Variants in NPRL3 observed in about 807,000 individuals in gnomAD.
NPRL3 encodes the protein NPR3 like, GATOR1 complex subunit.
A neutral mutation model predicts 57.2 loss-of-function variants in NPRL3; 23 were observed. The observed-to-expected ratio is 0.40, with a 90% CI of 0.29 to 0.57. The LOEUF (loss-of-function observed/expected upper bound fraction) is 0.57, where lower values mean the gene tolerates loss of function less well. NPRL3 is among the 20% of genes least tolerant of loss of function. The pLI is 0.42. For missense variants in NPRL3, 691 were observed against 767.1 expected, an observed-to-expected ratio of 0.90 and a Z score of 1.17; for synonymous variants, 333 against 321.1, an observed-to-expected ratio of 1.04 and a Z score of -0.39.
intron 5 of NPRL3, among the ~76,000 whole-genome samples, chr16:114,054 T>A (rs574298642): frequency 1.3e-5 from 2 of 152,318 alleles, no homozygotes; most frequent in South Asian, 4.1e-4. Context: ...TGTATACAAT[T>A]GCCTCAAAAC....
chr16:124,025 C>A (rs1055709583), intron 3 of NPRL3, among the ~76,000 whole-genome samples: 1 of 140,144 alleles, frequency 7.1e-6, no homozygotes, highest in African/African-American at 2.7e-5. Flanking sequence ...ACCCTCCCCA[C>A]GCTGAGAAAC....
At chr16:133,398 G>A (rs1445891892) in intron 2 of NPRL3, among the ~76,000 whole-genome samples, 1 of 151,162 alleles carries the variant, frequency 6.6e-6, no homozygotes, top group Non-Finnish European at 1.5e-5. Flanking sequence ...GCTAATTTTT[G>A]TATTTTTTTT....
rs773431179 is a variant in NPRL3 at position 92,568 on chromosome 16, C to T, written c.1161+28G>A. 3 of 1,609,738 alleles carry T rather than the reference C, an allele frequency of 1.9e-6. No individual in the cohort carries two copies. In the South Asian group the frequency reaches 3.3e-5, roughly 18 times the overall value. On this transcript the variant is annotated intron_variant, in intron 11 of 13. Transcript: ENST00000611875. ...GCCTATCCACTACACACCTGCCACT[C>T]TGGGCTCCTTGAGCTTCTGTGACTC...
At chr16:98,831 G>A (rs893143204) in intron 8 of NPRL3, among the ~76,000 whole-genome samples, 3 of 152,176 alleles carry the variant, frequency 2.0e-5, no homozygotes, top group Non-Finnish European at 4.4e-5. Flanking sequence ...CCAGCTACTC[G>A]GCAGGCTGAG....
At chr16:110,650 C>G (rs377354383) in intron 6 of NPRL3, 44 bp from the exon 7 acceptor site, 2 of 1,499,568 alleles carry the variant, frequency 1.3e-6, no homozygotes, top group South Asian at 2.4e-5. Context: ...CGGGTTCAAG[C>G]GATTCTCCTG....
intron 4 of NPRL3, among the ~76,000 whole-genome samples, chr16:118,231 A>G (rs1345196151): frequency 1.3e-5 from 2 of 152,116 alleles, no homozygotes; most frequent in Non-Finnish European, 2.9e-5. Flanking sequence ...ACTGTGTTCG[A>G]CCCTTCAGAA....
At chr16:116,376 A>G (rs960035352) in intron 5 of NPRL3, among the ~76,000 whole-genome samples, 1 of 152,218 alleles carries the variant, frequency 6.6e-6, no homozygotes, top group African/African-American at 2.4e-5. Context: ...TGTAAGAAAT[A>G]CAAAGATGCT....
intron 7 of NPRL3, among the ~76,000 whole-genome samples, 184 bp from the exon 8 acceptor site, chr16:100,693 G>A (rs1029457305): frequency 2.3e-5 from 3 of 128,406 alleles, no homozygotes; most frequent in Admixed American, 2.3e-4. Context: ...ATGGGGGCCG[G>A]GCACGGTGGC....
intron 1 of NPRL3, 83 bp downstream of exon 1, chr16:138,530 GTAGGGCAGGGGTGGAGGCGGAGGGGGCCT>G (rs2141996542): frequency 2.4e-5 from 1 of 42,248 alleles, no homozygotes; most frequent in Non-Finnish European, 5.0e-5. Flanking sequence ...GGGGGCCTGA[GTAGGGCAGGGGTGGAGGCGGAGGGGGCCT>G]GAGGAGGGCA....
chr16:99,598 G>A (rs1410753393), intron 8 of NPRL3, among the ~76,000 whole-genome samples: 2 of 148,002 alleles, frequency 1.4e-5, no homozygotes, highest in Non-Finnish European at 3.0e-5. Context: ...AGTGGAGACT[G>A]TGCCACTGCA....
intron 3 of NPRL3, chr16:125,634 G>A (rs1304772920): frequency 2.0e-5 from 3 of 152,238 alleles, no homozygotes; most frequent in Admixed American, 2.0e-4. Flanking sequence ...TAAAGAATGT[G>A]CCCAAGATCA....
At chr16:100,633 C>T (rs939581490) in intron 7 of NPRL3, 124 bp from the exon 8 acceptor site, 29 of 948,208 alleles carry the variant, frequency 3.1e-5, no homozygotes, top group African/African-American at 5.1e-5. Context: ...GGTGGAGACC[C>T]GGGCAGGAGA....
chr16:98,422 G>A (rs993224350), intron 8 of NPRL3, 121 bp from the exon 9 acceptor site: 20 of 1,077,394 alleles, frequency 1.9e-5, no homozygotes, highest in Admixed American at 1.5e-4. Flanking sequence ...GGTATGCACC[G>A]GGTATGCACC....
intron 11 of NPRL3, among the ~76,000 whole-genome samples, chr16:92,128 C>A (rs561950872): frequency 2.6e-5 from 4 of 152,164 alleles, no homozygotes; most frequent in Non-Finnish European, 5.9e-5. Flanking sequence ...AGAACTCATA[C>A]CCACAGACCC....
Position 120,262 on chromosome 16 carries a change from G to A in NPRL3, c.189-1007C>T, listed in dbSNP as rs1031274583. On this transcript the variant is annotated intron_variant, in intron 3 of 13. Coordinates refer to ENST00000611875, the MANE Select transcript of NPRL3 (RefSeq NM_001077350.3). ...CTCTCTTGGGGAAGCTCTAGCCTCC[G>A]CAGGGCCATACTCTGCCCCTGGGCA... Among the ~76,000 whole-genome samples the A allele has an allele frequency of 7.9e-5, 12 of 152,152 alleles. No homozygotes were observed. The South Asian group carries it at 8.3e-4, about 11-fold the overall frequency.
At chr16:130,443 G>C (rs932798684) in intron 3 of NPRL3, 79 bp downstream of exon 3, 1 of 1,381,000 alleles carries the variant, frequency 7.2e-7, no homozygotes, top group East Asian at 2.5e-5. Context: ...GAAAACATCT[G>C]GGTGAATAGG....
In NPRL3 at chr16:94,741, C is replaced by T. The variant is rs1168464873; in HGVS notation, c.925-1416G>A. Among the ~76,000 whole-genome samples, 7 of 152,182 alleles carry T rather than the reference C, an allele frequency of 4.6e-5. No individual in the cohort carries two copies. The South Asian group carries it at 1.5e-3, about 32-fold the overall frequency. On this transcript the variant is annotated intron_variant, in intron 9 of 13. Coordinates refer to ENST00000611875, the MANE Select transcript of NPRL3 (RefSeq NM_001077350.3). The stretch of plus-strand genomic sequence containing the variant: ...GTGCCCCCAATGGCTCCGCCAACCC[C>T]GACATGGCAGGTTTCAGCTCCATCA...
chr16:135,131 G>A (rs1415756475), intron 2 of NPRL3, among the ~76,000 whole-genome samples: 1 of 152,202 alleles, frequency 6.6e-6, no homozygotes, highest in Non-Finnish European at 1.5e-5. Context: ...GAAATAAGGT[G>A]AATTATTCAA....
At position 130,603 on chromosome 16, in the gene NPRL3, C is replaced by G. The variant is rs554836466; in HGVS notation, c.119-12G>C. ...GCTACGCGGCTTACCTGAGTCGGGG[C>G]GAAAAGAGGGGAAGGGCTAAGAAAA... is the stretch of plus-strand genomic sequence containing the variant. On this transcript the variant is annotated splice_polypyrimidine_tract_variant and intron_variant, in intron 2 of 13. Coordinates refer to ENST00000611875, the MANE Select transcript of NPRL3 (RefSeq NM_001077350.3). The G allele has an allele frequency of 6.4e-7, 1 of 1,552,614 alleles. No individual in the cohort carries two copies. Among genetic ancestry groups the G allele is most frequent in the South Asian group, 1.2e-5 (1 of 84,192 alleles).
Sources: allele counts gnomAD v4.1 joint callset (sites outside exome capture counted in the v4.1 genomes callset), GRCh38; gene constraint gnomAD v4.1.1; transcripts MANE v1.5; gene names NCBI Gene and HGNC (gene_info 2026-07-23, HGNC 2026-07-21).